The following SLC4A10 variants were observed in gnomAD, a reference collection of about 807,000 sequenced individuals.
SLC4A10 encodes the protein solute carrier family 4 member 10, also known as sodium-driven chloride bicarbonate exchanger.
A neutral mutation model predicts 137.7 loss-of-function variants in SLC4A10; 42 were observed. The ratio of observed to expected loss-of-function variants is 0.30; its 90% CI spans 0.24 to 0.39. The LOEUF (loss-of-function observed/expected upper bound fraction) is 0.39. Among genes scored for constraint, SLC4A10 ranks in the 10% least tolerant of loss-of-function variants. The pLI, the probability that SLC4A10 is intolerant of heterozygous loss-of-function variation, is 1.00. For missense variants in SLC4A10, 925 were observed against 1,355.0 expected (o/e 0.68, Z 4.98); for synonymous variants, 474 against 464.1 (o/e 1.02, Z -0.27).
At chr2:161,901,747 T>C (rs75903460) in intron 12 of SLC4A10, among the ~76,000 whole-genome samples, 2,133 of 152,224 alleles carry the variant, frequency 0.014, 21 homozygotes, top group Non-Finnish European at 0.02. Context: ...GCACTCTGCA[T>C]TTTAATTCTG....
At chr2:161,728,742 C>G (rs531381681) in intron 1 of SLC4A10, among the ~76,000 whole-genome samples, 1 of 152,130 alleles carries the variant, frequency 6.6e-6, no homozygotes, top group East Asian at 1.9e-4. Context: ...CAAAATCACA[C>G]AAAGGCAATA....
chr2:161,710,336 C>A (rs747288402), intron 1 of SLC4A10, among the ~76,000 whole-genome samples: 1 of 151,688 alleles, frequency 6.6e-6, no homozygotes, highest in Non-Finnish European at 1.5e-5. Context: ...TGGGATTCCT[C>A]TTGGTATTGG....
chr2:161,738,096 C>G (rs952266311), intron 1 of SLC4A10, among the ~76,000 whole-genome samples: 2 of 152,074 alleles, frequency 1.3e-5, no homozygotes, highest in Non-Finnish European at 2.9e-5. Flanking sequence ...ATTGTTCAAA[C>G]AACCATGGAC....
chr2:161,796,781 T>C (rs1025644292), intron 2 of SLC4A10, among the ~76,000 whole-genome samples: 12 of 152,356 alleles, frequency 7.9e-5, no homozygotes, highest in African/African-American at 2.9e-4. Flanking sequence ...TCTGTTTTTC[T>C]CCTCAGCAAC....
intron 15 of SLC4A10, among the ~76,000 whole-genome samples, chr2:161,931,945 C>G (rs1210756264): frequency 6.6e-6 from 1 of 152,118 alleles, no homozygotes; most frequent in African/African-American, 2.4e-5. Context: ...ATGTATATAT[C>G]CACTATAATG....
At chr2:161,776,370 G>A (rs985496552) in intron 2 of SLC4A10, among the ~76,000 whole-genome samples, 40 of 151,700 alleles carry the variant, frequency 2.6e-4, no homozygotes, top group Admixed American at 7.2e-4. Context: ...CTTTTCTTCT[G>A]CCCCCAATTC....
chr2:161,771,489 G>A (rs1365009262), intron 2 of SLC4A10, among the ~76,000 whole-genome samples: 2 of 151,754 alleles, frequency 1.3e-5, no homozygotes, highest in Non-Finnish European at 2.9e-5. Context: ...ATGGGAAGAA[G>A]GATGCCTAAT....
intron 5 of SLC4A10, 87 bp from the exon 6 acceptor site, chr2:161,862,787 G>T (rs2060505929): frequency 1.0e-6 from 1 of 989,976 alleles, no homozygotes; most frequent in African/African-American, 1.7e-5. Flanking sequence ...ATTGTTTAGG[G>T]CTTGCATATT....
Position 161,625,026 on chromosome 2 carries a change from A to C in SLC4A10, c.48+460A>C, listed in dbSNP as rs1459493446. On this transcript the variant is annotated intron_variant, in intron 1 of 26. Transcript: ENST00000446997. ...ATCTGCTGCTGTTGCAGCTCTAGAG[A>C]TTTAGTCTCTACAGAAACCAGGGGA... is the stretch of plus-strand genomic sequence containing the variant. 3.3e-5 allele frequency among the ~76,000 whole-genome samples: 5 copies of C among 151,344 alleles called. No individual in the cohort carries two copies. In the East Asian group the frequency reaches 9.8e-4, roughly 30 times the overall value.
At position 161,789,069 on chromosome 2, in the gene SLC4A10, C is replaced by T. The variant is rs1287992139; in HGVS notation, c.131-15380C>T. 2.6e-5 allele frequency among the ~76,000 whole-genome samples: 4 copies of T among 152,170 alleles called. No homozygotes were observed. The East Asian group carries it at 7.7e-4, about 29-fold the overall frequency. On this transcript the variant is annotated intron_variant, in intron 2 of 26. Coordinates refer to ENST00000446997, the MANE Select transcript of SLC4A10 (RefSeq NM_001178015.2). ...GTGTGGCAACACAAGGACTAAGGTT[C>T]CTTGGACAGGGCACTGGCCCACAAT...
intron 9 of SLC4A10, 60 bp from the exon 10 acceptor site, chr2:161,882,297 T>C: frequency 1.0e-6 from 1 of 993,222 alleles, no homozygotes; most frequent in Non-Finnish European, 1.5e-6. Flanking sequence ...AGTGATTCTG[T>C]ATTACTAAAA....
At chr2:161,771,873 A>G (rs2051658012) in intron 2 of SLC4A10, among the ~76,000 whole-genome samples, 1 of 151,822 alleles carries the variant, frequency 6.6e-6, no homozygotes, top group Admixed American at 6.6e-5. Flanking sequence ...AGTAAAAGCA[A>G]GGTGATCTTA....
At chr2:161,742,861 G>A (rs1187116684) in intron 1 of SLC4A10, among the ~76,000 whole-genome samples, 2 of 152,082 alleles carry the variant, frequency 1.3e-5, no homozygotes, top group Non-Finnish European at 2.9e-5. Flanking sequence ...GCATTTTTCT[G>A]ATAATCAGTC....
chr2:161,702,522 CT>C, intron 1 of SLC4A10, among the ~76,000 whole-genome samples: 1 of 151,652 alleles, frequency 6.6e-6, no homozygotes, highest in Non-Finnish European at 1.5e-5. Flanking sequence ...TTATTGGTGG[CT>C]TTTTGGTCCT....
At chr2:161,726,301 A>G (rs1375959546) in intron 1 of SLC4A10, among the ~76,000 whole-genome samples, 1 of 152,202 alleles carries the variant, frequency 6.6e-6, no homozygotes, top group Non-Finnish European at 1.5e-5. Flanking sequence ...AGAATTAAAA[A>G]TGAAGTAAAA....
chr2:161,872,118 C>G (rs1241287999), intron 6 of SLC4A10, among the ~76,000 whole-genome samples, 175 bp from the exon 7 acceptor site: 1 of 152,086 alleles, frequency 6.6e-6, no homozygotes, highest in African/African-American at 2.4e-5. Flanking sequence ...CTACCTGTTA[C>G]TGATAATAAG....
chr2:161,694,308 A>G (rs937668538), intron 1 of SLC4A10, among the ~76,000 whole-genome samples: 4 of 151,816 alleles, frequency 2.6e-5, no homozygotes, highest in African/African-American at 9.7e-5. Flanking sequence ...TGTACAGCTC[A>G]CATGTTTGTG....
intron 15 of SLC4A10, among the ~76,000 whole-genome samples, chr2:161,920,523 G>A (rs548460771): frequency 2.0e-5 from 3 of 152,334 alleles, no homozygotes; most frequent in South Asian, 2.1e-4. Context: ...CACCTTGTTG[G>A]TGAAGGAAAC....
intron 15 of SLC4A10, among the ~76,000 whole-genome samples, chr2:161,919,898 G>T (rs536526995): frequency 6.6e-6 from 1 of 152,164 alleles, no homozygotes. Flanking sequence ...CACCCTCTTT[G>T]GGGCTCTGCA....
Sources: allele counts gnomAD v4.1 joint callset (sites outside exome capture counted in the v4.1 genomes callset), GRCh38; gene constraint gnomAD v4.1.1; transcripts MANE v1.5; gene names NCBI Gene and HGNC (gene_info 2026-07-23, HGNC 2026-07-21).